TBC1D22A: variants seen among roughly 807,000 people sequenced by gnomAD.
The protein encoded by TBC1D22A is TBC1 domain family member 22A.
In TBC1D22A, 38 loss-of-function variants were observed where a neutral mutation model predicts 60.2. That is an observed-to-expected ratio of 0.63 (90% CI 0.49 to 0.83). The LOEUF is 0.83. Among genes scored for constraint, TBC1D22A ranks in the 40% least tolerant of loss-of-function variants. The probability of loss-of-function intolerance (pLI) is 0.00; values close to 1 mark genes in which losing one functional copy is unlikely to be tolerated. For synonymous variants in TBC1D22A, 302 were observed against 281.7 expected (o/e 1.07, Z -0.72); for missense variants, 628 against 701.0 (o/e 0.90, Z 1.18).
At chr22:46,763,138 G>A in intron 1 of TBC1D22A, 1 of 407,114 alleles carries the variant, frequency 2.5e-6, no homozygotes, top group Non-Finnish European at 4.4e-6. Context: ...TCCTTGGGGA[G>A]GCTGGAAGGA....
Position 46,875,807 on chromosome 22 carries a change from CAACA to C in TBC1D22A, c.638-2835_638-2832del, listed in dbSNP as rs1306340581. 5.3e-5 allele frequency among the ~76,000 whole-genome samples: 8 copies of C among 152,240 alleles called. No individual in the cohort carries two copies. In the South Asian group the frequency reaches 1.0e-3, roughly 20 times the overall value. On this transcript the variant is annotated intron_variant, in intron 4 of 12. Transcript: ENST00000337137. ...TTTGATTTCAAAATATCACGCCCCCCAACAAACAAACAAATCTCTAAAGGGGAGG... is the reference window on the plus strand; with the variant it reads ...TTTGATTTCAAAATATCACGCCCCCCAACAAACAAATCTCTAAAGGGGAGG...
chr22:47,061,354 T>G (rs1240493552), intron 11 of TBC1D22A, among the ~76,000 whole-genome samples: 3 of 152,106 alleles, frequency 2.0e-5, no homozygotes, highest in Non-Finnish European at 4.4e-5. Context: ...GCAGGGCCTC[T>G]TCCTCCTCCC....
At chr22:47,080,465 T>G (rs562689991) in intron 11 of TBC1D22A, among the ~76,000 whole-genome samples, 2 of 152,248 alleles carry the variant, frequency 1.3e-5, no homozygotes, top group East Asian at 3.9e-4. Flanking sequence ...TCTCAAAAAT[T>G]TTGAAACTTA....
chr22:47,033,336 G>T (rs1361495923), intron 10 of TBC1D22A, among the ~76,000 whole-genome samples: 2 of 152,230 alleles, frequency 1.3e-5, no homozygotes, highest in Non-Finnish European at 2.9e-5. Context: ...ATGTTCTAGG[G>T]TGTGGCTGGA....
chr22:47,096,817 G>A (rs901705467), intron 11 of TBC1D22A, among the ~76,000 whole-genome samples: 9 of 152,074 alleles, frequency 5.9e-5, no homozygotes, highest in Non-Finnish European at 1.3e-4. Flanking sequence ...GCGAGACTCT[G>A]TCTCAAAAAA....
intron 5 of TBC1D22A, among the ~76,000 whole-genome samples, chr22:46,886,020 A>G (rs766458585): frequency 3.6e-4 from 54 of 149,130 alleles, no homozygotes; most frequent in Non-Finnish European, 3.3e-4. Context: ...CCATTCTCCT[A>G]CCACAGCTTC....
chr22:46,931,167 G>A (rs1285722791), intron 8 of TBC1D22A, among the ~76,000 whole-genome samples: 1 of 152,172 alleles, frequency 6.6e-6, no homozygotes, highest in African/African-American at 2.4e-5. Flanking sequence ...TGAAATCAAA[G>A]GATTCCTTTC....
intron 11 of TBC1D22A, among the ~76,000 whole-genome samples, chr22:47,096,628 C>T (rs1230240971): frequency 6.6e-6 from 1 of 152,100 alleles, no homozygotes; most frequent in Non-Finnish European, 1.5e-5. Context: ...TTGAGACCAG[C>T]CTGGCCAACA....
chr22:46,915,686 A>G (rs747107805), intron 8 of TBC1D22A: 2 of 456,696 alleles, frequency 4.4e-6, no homozygotes, highest in South Asian at 1.5e-5. Flanking sequence ...CTTTCAGGCA[A>G]CAGCAGACAG....
At chr22:47,107,463 G>GT (rs2065679319) in intron 11 of TBC1D22A, among the ~76,000 whole-genome samples, 1 of 152,086 alleles carries the variant, frequency 6.6e-6, no homozygotes, top group African/African-American at 2.4e-5. Context: ...AGAAATCGAG[G>GT]TTTTTAGGAC....
intron 1 of TBC1D22A, among the ~76,000 whole-genome samples, chr22:46,776,406 G>C (rs997206516): frequency 2.0e-5 from 3 of 152,012 alleles, no homozygotes; most frequent in Non-Finnish European, 4.4e-5. Flanking sequence ...TGTGTGGTGG[G>C]GTGGTATGGA....
intron 10 of TBC1D22A, among the ~76,000 whole-genome samples, chr22:47,006,223 T>C (rs2061588674): frequency 6.6e-6 from 1 of 152,194 alleles, no homozygotes; most frequent in African/African-American, 2.4e-5. Flanking sequence ...GGAGAGGTTA[T>C]TGTTGGTGGC....
intron 11 of TBC1D22A, among the ~76,000 whole-genome samples, chr22:47,094,558 C>T (rs748806668): frequency 2.0e-5 from 3 of 152,176 alleles, no homozygotes; most frequent in Non-Finnish European, 2.9e-5. Flanking sequence ...GAGCCAAGTC[C>T]CTAAGATAAA....
intron 12 of TBC1D22A, among the ~76,000 whole-genome samples, chr22:47,127,391 C>A (rs1159175457): frequency 1.1e-5 from 1 of 94,762 alleles, no homozygotes; most frequent in Non-Finnish European, 2.0e-5. Flanking sequence ...CCACGCCCAG[C>A]TGATTTTTTT....
chr22:47,013,424 A>G (rs993316615), intron 10 of TBC1D22A, among the ~76,000 whole-genome samples: 2 of 152,178 alleles, frequency 1.3e-5, no homozygotes, highest in Non-Finnish European at 2.9e-5. Flanking sequence ...ACATACAAAT[A>G]AAGTGATTCT....
intron 11 of TBC1D22A, among the ~76,000 whole-genome samples, chr22:47,086,945 C>T (rs749469332): frequency 2.0e-5 from 3 of 152,228 alleles, no homozygotes; most frequent in Non-Finnish European, 4.4e-5. Flanking sequence ...GATAGATATC[C>T]ATCAATGTGA....
At chr22:47,042,834 T>C (rs1036803957) in intron 11 of TBC1D22A, among the ~76,000 whole-genome samples, 4 of 152,222 alleles carry the variant, frequency 2.6e-5, no homozygotes, top group Non-Finnish European at 4.4e-5. Context: ...GTTCAGTATC[T>C]TAGGTGAAAT....
chr22:46,905,908 C>G (rs2069430342), intron 7 of TBC1D22A, among the ~76,000 whole-genome samples: 1 of 152,206 alleles, frequency 6.6e-6, no homozygotes. Flanking sequence ...CCTCCTGAGT[C>G]TAGACAAGGC....
At chr22:47,172,206 C>T (rs534402664) in intron 12 of TBC1D22A, among the ~76,000 whole-genome samples, 4 of 152,280 alleles carry the variant, frequency 2.6e-5, no homozygotes, top group South Asian at 4.1e-4. Context: ...CCAGTGTGCC[C>T]GCTCAGTGAG....
Sources: gnomAD v4.1 joint callset for allele counts (sites outside exome capture counted in the v4.1 genomes callset) on GRCh38, gnomAD v4.1.1 for gene constraint, MANE v1.5 for transcripts, NCBI Gene and HGNC (gene_info 2026-07-23, HGNC 2026-07-21) for gene names.